Variants in KCNQ1 observed in about 807,000 individuals in gnomAD.
KCNQ1 encodes the protein potassium voltage-gated channel subfamily Q member 1.
In KCNQ1, 49 loss-of-function variants were observed where a neutral mutation model predicts 72.4. The observed-to-expected ratio is 0.68, with a 90% confidence interval of 0.54 to 0.86. KCNQ1 has a LOEUF of 0.86. Among genes scored for constraint, KCNQ1 ranks in the 40% least tolerant of loss-of-function variants. The pLI, the probability that KCNQ1 is intolerant of heterozygous loss-of-function variation, is 0.00. For synonymous variants in KCNQ1, 450 were observed against 412.6 expected, an observed-to-expected ratio of 1.09 and a Z score of -1.10; for missense variants, 790 against 945.1, an observed-to-expected ratio of 0.84 and a Z score of 2.15.
intron 11 of KCNQ1, among the ~76,000 whole-genome samples, chr11:2,717,549 G>C (rs1851114020): frequency 1.3e-5 from 2 of 152,178 alleles, no homozygotes; most frequent in African/African-American, 4.8e-5. Flanking sequence ...CCAGGGCCTG[G>C]CTTAGGATGG....
chr11:2,577,016 C>T (rs2133740140), intron 6 of KCNQ1, among the ~76,000 whole-genome samples: 1 of 152,342 alleles, frequency 6.6e-6, no homozygotes. Context: ...AGACAGCAGT[C>T]CGTCTCCCAG....
intron 11 of KCNQ1, among the ~76,000 whole-genome samples, chr11:2,733,173 A>G (rs1262495008): frequency 1.3e-5 from 2 of 151,832 alleles, no homozygotes; most frequent in East Asian, 3.9e-4. Flanking sequence ...GGGTCTGAAG[A>G]GCAGAGCCCT....
intron 10 of KCNQ1, among the ~76,000 whole-genome samples, chr11:2,606,494 C>T (rs1453554257): frequency 6.6e-6 from 1 of 152,176 alleles, no homozygotes; most frequent in African/African-American, 2.4e-5. Flanking sequence ...TCTGCTACCT[C>T]CCTCCACCTT....
intron 10 of KCNQ1, chr11:2,634,714 C>G (rs1849427305): frequency 6.6e-6 from 1 of 152,202 alleles, no homozygotes; most frequent in South Asian, 2.1e-4. Flanking sequence ...ATGGCTGGAT[C>G]AAATGGTATT....
chr11:2,787,884 T>C lies in KCNQ1; in HGVS notation c.1794+9847T>C, dbSNP rs1293446780. Among the ~76,000 whole-genome samples, 4 of 10,418 alleles carry C rather than the reference T, an allele frequency of 3.8e-4. No individual in the cohort carries two copies. Among genetic ancestry groups the C allele is most frequent in the Non-Finnish European group, 7.4e-4 (4 of 5,422 alleles). 6.8% of individuals were successfully genotyped at this position (10,418 alleles called of 152,430 possible). A position where few individuals can be genotyped will look rare whatever the true frequency, so the allele number is the denominator to read the frequency against. On this transcript the variant is annotated intron_variant, in intron 15 of 15. Transcript: ENST00000155840. This position sits in a 1 kb window ranked among gnomAD's most constrained non-coding sequence, Gnocchi z 6.3. ...CTATCTTTAAATTTTAATTTTAATTTATTAAAATGAAAATTCCATTCCTGG... is the reference window on the plus strand; with the variant it reads ...CTATCTTTAAATTTTAATTTTAATTCATTAAAATGAAAATTCCATTCCTGG...
rs1181255149 is a variant in KCNQ1, at chr11:2,642,133, G to A, written c.1394-19828G>A. On this transcript the variant is annotated intron_variant, in intron 10 of 15. Coordinates refer to ENST00000155840, the MANE Select transcript of KCNQ1 (RefSeq NM_000218.3). The surrounding 1 kb of genome is among the most constrained non-coding windows in gnomAD (Gnocchi z 4.3). The stretch of plus-strand genomic sequence containing the variant: ...TTTTTTGGTTCCATCTGAATTTTAG[G>A]ATTTTTTCTATTTCCATGAAAAATG... 2.5e-6 allele frequency: 1 copy of A among 398,112 alleles called. No homozygotes were observed. The highest frequency in any genetic ancestry group is 4.4e-6 in the Non-Finnish European group (1 of 225,858). 24.7% of individuals were successfully genotyped at this position (398,112 alleles called of 1,614,324 possible).
At chr11:2,628,557 T>C (rs938796378) in intron 10 of KCNQ1, 5 of 398,354 alleles carry the variant, frequency 1.3e-5, no homozygotes, top group African/African-American at 4.1e-5. Flanking sequence ...TTATCAGATA[T>C]ATGGTTGGAA....
chr11:2,793,780 T>C (rs1847079387), intron 15 of KCNQ1, among the ~76,000 whole-genome samples: 2 of 152,222 alleles, frequency 1.3e-5, no homozygotes, highest in African/African-American at 4.8e-5. Flanking sequence ...TGCCTGGGGC[T>C]GCAGTGTGAG....
Position 2,712,034 on chromosome 11 carries a change from C to T in KCNQ1, c.1514+49953C>T, listed in dbSNP as rs965223792. On this transcript the variant is annotated intron_variant, in intron 11 of 15. Coordinates refer to ENST00000155840, the MANE Select transcript of KCNQ1 (RefSeq NM_000218.3). This position sits in a 1 kb window ranked among gnomAD's most constrained non-coding sequence, Gnocchi z 6.4. ...TATGCCCAGCCTTGCTGAATCTCTA[C>T]CCATCTGTAAAAAGGAGAAATCGTT... is the stretch of plus-strand genomic sequence containing the variant. Among the ~76,000 whole-genome samples, 1 of 152,202 alleles carries T rather than the reference C, an allele frequency of 6.6e-6. No homozygotes were observed. The highest frequency in any genetic ancestry group is 2.4e-5 in the African/African-American group (1 of 41,440).
At chr11:2,688,490 G>T in intron 11 of KCNQ1, 1 of 398,734 alleles carries the variant, frequency 2.5e-6, no homozygotes, top group South Asian at 1.3e-4. Context: ...GCCTCTGGTT[G>T]CCCTGCTCTG....
chr11:2,699,018 A>G, intron 11 of KCNQ1: 1 of 398,558 alleles, frequency 2.5e-6, no homozygotes, highest in Non-Finnish European at 4.4e-6. Flanking sequence ...ACTCAGAACC[A>G]CTAAGTGGAT....
rs1210801378 is a variant in KCNQ1 at position 2,468,876 on chromosome 11, A to G, written c.386+23392A>G. Among the ~76,000 whole-genome samples, 53 of 152,134 alleles carry G rather than the reference A, an allele frequency of 3.5e-4. 1 individual carries two copies. Among genetic ancestry groups the G allele is most frequent in the Admixed American group, 3.5e-3 (53 of 15,284 alleles). On this transcript the variant is annotated intron_variant, in intron 1 of 15. Coordinates refer to ENST00000155840, the MANE Select transcript of KCNQ1 (RefSeq NM_000218.3). The surrounding 1 kb of genome is among the most constrained non-coding windows in gnomAD (Gnocchi z 5.7). ...AATAGCTGGAGTCTCTGTGCGAGCAAATGCTTTTGCTTCTCTTGTGCAAGC... is the reference window on the plus strand; with the variant it reads ...AATAGCTGGAGTCTCTGTGCGAGCAGATGCTTTTGCTTCTCTTGTGCAAGC...
chr11:2,668,699 C>T lies in KCNQ1; in HGVS notation c.1514+6618C>T, dbSNP rs1214845673. The T allele has an allele frequency of 2.5e-6, 1 of 398,478 alleles. No homozygotes were observed. The highest frequency in any genetic ancestry group is 4.4e-6 in the Non-Finnish European group (1 of 226,072). 24.7% of individuals were successfully genotyped at this position (398,478 alleles called of 1,614,324 possible). ...TCAGAGAGAGAGATACACACACTCACACTCTCTCACAGACACACACATTGC... is the reference window on the plus strand; with the variant it reads ...TCAGAGAGAGAGATACACACACTCATACTCTCTCACAGACACACACATTGC... On this transcript the variant is annotated intron_variant, in intron 11 of 15. Transcript: ENST00000155840. This position sits in a 1 kb window ranked among gnomAD's most constrained non-coding sequence, Gnocchi z 4.3.
intron 2 of KCNQ1, among the ~76,000 whole-genome samples, chr11:2,553,008 ATTGTT>A (rs1848006246): frequency 6.6e-6 from 1 of 152,172 alleles, no homozygotes. Flanking sequence ...CTGAAATGAT[ATTGTT>A]TTCTCAGTTT....
intron 11 of KCNQ1, among the ~76,000 whole-genome samples, chr11:2,755,431 T>G (rs1271533764): frequency 1.3e-5 from 2 of 152,202 alleles, no homozygotes; most frequent in African/African-American, 2.4e-5. Context: ...TGTTTAATTT[T>G]GTGTAGAGGT....
At chr11:2,681,112 C>G in intron 11 of KCNQ1, 1 of 398,414 alleles carries the variant, frequency 2.5e-6, no homozygotes. Context: ...AAATAGATGC[C>G]CCCCAAAAAA....
chr11:2,661,845 G>A lies in KCNQ1; in HGVS notation c.1394-116G>A. The A allele has an allele frequency of 2.2e-6, 3 of 1,343,932 alleles. No homozygotes were observed. The highest frequency in any genetic ancestry group is 2.9e-5 in the African/African-American group (2 of 68,774). 83.3% of individuals were successfully genotyped at this position (1,343,932 alleles called of 1,614,324 possible). A position where few individuals can be genotyped will look rare whatever the true frequency, so the allele number is the denominator to read the frequency against. On this transcript the variant is annotated intron_variant, in intron 10 of 15. Coordinates refer to ENST00000155840, the MANE Select transcript of KCNQ1 (RefSeq NM_000218.3). The surrounding 1 kb of genome is among the most constrained non-coding windows in gnomAD (Gnocchi z 5.9). ...TATAAAACTGATTGTCAGGGCTGGA[G>A]CTTCCAGGCACAAGCTCCACTCCTC...
rs554134451 is a variant in KCNQ1, at chr11:2,707,297, G to A, written c.1514+45216G>A. On this transcript the variant is annotated intron_variant, in intron 11 of 15. Transcript: ENST00000155840. ...AAGCAGGGATTGCTTCTGCTGTAAC[G>A]TCCACTGGAATAAAAAGCAGACATT... Among the ~76,000 whole-genome samples the A allele has an allele frequency of 1.2e-4, 19 of 152,302 alleles. No homozygotes were observed. The East Asian group carries it at 1.5e-3, about 12-fold the overall frequency.
intron 11 of KCNQ1, chr11:2,667,441 T>A (rs1421315377): frequency 7.5e-6 from 3 of 398,588 alleles, no homozygotes; most frequent in Non-Finnish European, 1.3e-5. Flanking sequence ...ATGATGCTGC[T>A]CAGGTCCTCA....
Sources: gnomAD v4.1 joint callset for allele counts (sites outside exome capture counted in the v4.1 genomes callset) on GRCh38, gnomAD v4.1.1 for gene constraint, Gnocchi (gnomAD v3.1) non-coding constraint, MANE v1.5 for transcripts, NCBI Gene and HGNC (gene_info 2026-07-23, HGNC 2026-07-21) for gene names.